The following COP1 variants were observed in gnomAD, a reference collection of about 807,000 sequenced individuals.
The protein encoded by COP1 is COP1 E3 ubiquitin ligase, also known as E3 ubiquitin-protein ligase COP1.
Under a neutral mutation model 101.3 loss-of-function variants are expected in COP1, and 24 were observed. That is an observed-to-expected ratio of 0.24 (90% confidence interval 0.17 to 0.33). The LOEUF (loss-of-function observed/expected upper bound fraction) is 0.33. Ranked by LOEUF, COP1 falls within the 10% of genes least tolerant of loss-of-function variation. The pLI is 1.00. For missense variants in COP1, 663 were observed against 906.2 expected, an observed-to-expected ratio of 0.73 and a Z score of 3.45; for synonymous variants, 347 against 341.9, an observed-to-expected ratio of 1.01 and a Z score of -0.17.
At chr1:176,162,087 G>A (rs1214475880) in intron 5 of COP1, among the ~76,000 whole-genome samples, 1 of 152,188 alleles carries the variant, frequency 6.6e-6, no homozygotes, top group Admixed American at 6.5e-5. Flanking sequence ...ACAGGCATAA[G>A]GGGCACAAAA....
intron 11 of COP1, among the ~76,000 whole-genome samples, chr1:176,049,879 A>G (rs1672243202): frequency 6.6e-6 from 1 of 152,226 alleles, no homozygotes; most frequent in Non-Finnish European, 1.5e-5. Flanking sequence ...GTACTTCAAA[A>G]GTTAAACAGT....
rs1470780275 is a variant in COP1, at chr1:176,122,265, T to A, written c.969-5584A>T. On this transcript the variant is annotated intron_variant, in intron 8 of 19. Transcript: ENST00000367669. ...AAATAAAAAACCTGGTCTGAACACATCTGACATCATGTTTTAACGCTGAAA... is the reference window on the plus strand; with the variant it reads ...AAATAAAAAACCTGGTCTGAACACAACTGACATCATGTTTTAACGCTGAAA... Among the ~76,000 whole-genome samples, 8 of 152,204 alleles carry A rather than the reference T, an allele frequency of 5.3e-5. No homozygotes were observed. In the East Asian group the frequency reaches 9.7e-4, roughly 18 times the overall value.
At chr1:175,958,232 G>A (rs138861202) in intron 18 of COP1, among the ~76,000 whole-genome samples, 75 of 152,012 alleles carry the variant, frequency 4.9e-4, no homozygotes, top group African/African-American at 1.7e-3. Flanking sequence ...GAACAAATAC[G>A]TATTTTATAA....
chr1:176,012,662 G>T (rs1329886389), intron 15 of COP1, among the ~76,000 whole-genome samples: 1 of 151,936 alleles, frequency 6.6e-6, no homozygotes, highest in Non-Finnish European at 1.5e-5. Context: ...GCTCTATAAA[G>T]GTGTACCATT....
At chr1:176,186,827 G>A (rs1377218736) in intron 1 of COP1, among the ~76,000 whole-genome samples, 1 of 152,130 alleles carries the variant, frequency 6.6e-6, no homozygotes, top group Non-Finnish European at 1.5e-5. Flanking sequence ...TGAGATTCTA[G>A]ATATATTCTG....
At chr1:176,150,442 C>T (rs1030102609) in intron 5 of COP1, among the ~76,000 whole-genome samples, 4 of 152,132 alleles carry the variant, frequency 2.6e-5, no homozygotes, top group African/African-American at 9.7e-5. Flanking sequence ...ACCTTAGACC[C>T]ATTCTTCCCA....
At chr1:175,972,568 G>A (rs1046377269) in intron 18 of COP1, among the ~76,000 whole-genome samples, 4 of 150,800 alleles carry the variant, frequency 2.7e-5, no homozygotes, top group Non-Finnish European at 5.9e-5. Context: ...GGGTTCAAGC[G>A]ATTCTCCTGC....
chr1:176,145,191 CAATT>C (rs998577279), intron 6 of COP1, among the ~76,000 whole-genome samples: 23 of 151,934 alleles, frequency 1.5e-4, no homozygotes, highest in African/African-American at 5.3e-4. Context: ...AAGTTTTAAA[CAATT>C]ACTTCACACA....
At chr1:176,129,669 T>TA (rs1688597582) in intron 8 of COP1, among the ~76,000 whole-genome samples, 1 of 151,932 alleles carries the variant, frequency 6.6e-6, no homozygotes, top group East Asian at 1.9e-4. Context: ...CTTCAACTAA[T>TA]ACATCATTTT....
At chr1:175,997,291 A>C (rs1660410301) in intron 15 of COP1, among the ~76,000 whole-genome samples, 1 of 152,240 alleles carries the variant, frequency 6.6e-6, no homozygotes, top group Non-Finnish European at 1.5e-5. Context: ...AAAACCAAAA[A>C]ACCCTAGAAG....
At chr1:176,148,354 C>A (rs930922190) in intron 6 of COP1, among the ~76,000 whole-genome samples, 1 of 150,908 alleles carries the variant, frequency 6.6e-6, no homozygotes, top group African/African-American at 2.4e-5. Context: ...TTAGACAATT[C>A]TTAACATAAA....
intron 6 of COP1, among the ~76,000 whole-genome samples, chr1:176,140,581 C>A (rs1690517435): frequency 2.0e-5 from 3 of 152,108 alleles, no homozygotes; most frequent in Admixed American, 2.0e-4. Context: ...AGGACAACCA[C>A]TTCAAGGATG....
chr1:175,952,049 C>T (rs934486052), intron 18 of COP1, among the ~76,000 whole-genome samples: 4 of 152,146 alleles, frequency 2.6e-5, no homozygotes, highest in African/African-American at 9.7e-5. Context: ...AACAAAGACA[C>T]ATTACATAAA....
chr1:176,059,556 C>T (rs923567298), intron 11 of COP1, among the ~76,000 whole-genome samples: 5 of 151,896 alleles, frequency 3.3e-5, no homozygotes, highest in African/African-American at 1.2e-4. Context: ...GATCTCAGCT[C>T]ACTGCAACCT....
chr1:176,097,911 A>AAG (rs1327979324), intron 9 of COP1, among the ~76,000 whole-genome samples: 3 of 151,706 alleles, frequency 2.0e-5, no homozygotes, highest in Non-Finnish European at 4.4e-5. Context: ...GGCCTAAAGG[A>AAG]AGATAAACAC....
At position 176,162,474 on chromosome 1, in the gene COP1, C is replaced by T. The variant is rs575970962; in HGVS notation, c.762+395G>A. On this transcript the variant is annotated intron_variant, in intron 5 of 19. Coordinates refer to ENST00000367669, the MANE Select transcript of COP1 (RefSeq NM_022457.7). ...TACTACTGCTACCAATGGACACCTG[C>T]TGAAAGAACTGTATGTAGATAAAAA... 2.6e-5 allele frequency among the ~76,000 whole-genome samples: 4 copies of T among 152,234 alleles called. No individual in the cohort carries two copies. In the South Asian group the frequency reaches 6.2e-4, roughly 24 times the overall value.
intron 6 of COP1, among the ~76,000 whole-genome samples, chr1:176,141,360 G>A (rs1690646193): frequency 6.6e-6 from 1 of 152,070 alleles, no homozygotes; most frequent in Non-Finnish European, 1.5e-5. Context: ...AATTAGCCAG[G>A]CGTGGTGGTA....
At chr1:175,950,334 A>G (rs968491491) in intron 18 of COP1, among the ~76,000 whole-genome samples, 15 of 152,232 alleles carry the variant, frequency 9.9e-5, no homozygotes, top group Non-Finnish European at 2.1e-4. Context: ...CCCCAAAGGT[A>G]GTATGATTAC....
At chr1:176,019,344 TC>T (rs1374872269) in intron 15 of COP1, among the ~76,000 whole-genome samples, 1 of 150,988 alleles carries the variant, frequency 6.6e-6, no homozygotes, top group African/African-American at 2.4e-5. Flanking sequence ...GCGCTTGTAG[TC>T]CCAGCTACTC....
Sources: allele counts gnomAD v4.1 joint callset (sites outside exome capture counted in the v4.1 genomes callset), GRCh38; gene constraint gnomAD v4.1.1; transcripts MANE v1.5; gene names NCBI Gene and HGNC (gene_info 2026-07-23, HGNC 2026-07-21).